Variants in SLC35D4 observed in about 807,000 individuals in gnomAD.
SLC35D4 encodes the protein UDP-N-acetylglucosamine transporter SLC35D4.
At chr18:23,421,457 A>T in the SLC35D4 span, 49 of 1,613,572 alleles carry the variant, frequency 3.0e-5, no homozygotes, top group Admixed American at 8.2e-4. Flanking sequence ...GGAAAGGACA[A>T]GGGGCAATGT....
chr18:23,295,738 G>A, the SLC35D4 span, among the ~76,000 whole-genome samples: 1 of 152,204 alleles, frequency 6.6e-6, no homozygotes, highest in South Asian at 2.1e-4. Flanking sequence ...AACAGCCACC[G>A]ACTGAGTTGA....
At chr18:23,316,649 C>G in the SLC35D4 span, among the ~76,000 whole-genome samples, 1 of 141,420 alleles carries the variant, frequency 7.1e-6, no homozygotes, top group Non-Finnish European at 1.5e-5. Context: ...GGATTGAGAA[C>G]ACAGATGAGG....
At chr18:23,341,108 A>ATC in the SLC35D4 span, among the ~76,000 whole-genome samples, 1 of 152,204 alleles carries the variant, frequency 6.6e-6, no homozygotes, top group Non-Finnish European at 1.5e-5. Flanking sequence ...TTTACATCAT[A>ATC]TGTGAGAGGG....
chr18:23,421,537 A>G, the SLC35D4 span: 1 of 1,065,744 alleles, frequency 9.4e-7, no homozygotes. Context: ...ACACAAAGAG[A>G]CAAGTTCAAC....
the SLC35D4 span, among the ~76,000 whole-genome samples, chr18:23,290,517 C>G: frequency 6.6e-6 from 1 of 152,162 alleles, no homozygotes; most frequent in Non-Finnish European, 1.5e-5. Flanking sequence ...GTGTGTGATT[C>G]TGCATATTTT....
chr18:23,243,468 G>GTTTTTTTTTTTTTTTTT, the SLC35D4 span, among the ~76,000 whole-genome samples: 1 of 101,876 alleles, frequency 9.8e-6, no homozygotes, highest in African/African-American at 3.6e-5. Context: ...TGGGTTTGGT[G>GTTTTTTTTTTTTTTTTT]TTTTTTTTTT....
the SLC35D4 span, among the ~76,000 whole-genome samples, chr18:23,245,821 C>T: frequency 2.6e-5 from 4 of 152,242 alleles, 1 homozygote; most frequent in Admixed American, 1.3e-4. Flanking sequence ...AGTGACCTCT[C>T]GCTCCATGAG....
the SLC35D4 span, among the ~76,000 whole-genome samples, chr18:23,431,059 C>G: frequency 7.2e-6 from 1 of 139,316 alleles, no homozygotes; most frequent in Admixed American, 8.2e-5. Context: ...GAGGCTGAGG[C>G]AGAAGAATCG....
the SLC35D4 span, among the ~76,000 whole-genome samples, chr18:23,405,730 G>T: frequency 6.6e-6 from 1 of 152,158 alleles, no homozygotes; most frequent in Non-Finnish European, 1.5e-5. Flanking sequence ...GAGAAAGCCT[G>T]TTGCAATGGC....
chr18:23,365,679 G>A, the SLC35D4 span: 1,266 of 1,613,268 alleles, frequency 7.8e-4, no homozygotes, highest in Non-Finnish European at 1.0e-3. Context: ...CTGGAAAAGA[G>A]ACAGCAAAGT....
the SLC35D4 span, among the ~76,000 whole-genome samples, chr18:23,396,848 C>T: frequency 6.6e-6 from 1 of 152,030 alleles, no homozygotes; most frequent in East Asian, 1.9e-4. Context: ...ATCGCTTCCT[C>T]CTTCAAAATG....
At chr18:23,308,713 T>C in the SLC35D4 span, among the ~76,000 whole-genome samples, 2 of 152,190 alleles carry the variant, frequency 1.3e-5, no homozygotes, top group Non-Finnish European at 2.9e-5. Flanking sequence ...TTCTGGTCTC[T>C]GCTCAGACAG....
chr18:23,351,194 G>A, the SLC35D4 span, among the ~76,000 whole-genome samples: 1 of 152,102 alleles, frequency 6.6e-6, no homozygotes, highest in African/African-American at 2.4e-5. Flanking sequence ...ATCATTTGAG[G>A]TCAGGAGTTT....
chr18:23,407,222 C>T, the SLC35D4 span, among the ~76,000 whole-genome samples: 17 of 152,080 alleles, frequency 1.1e-4, no homozygotes, highest in African/African-American at 3.4e-4. Context: ...AGAAGGATTC[C>T]GAGAAGATAA....
chr18:23,253,811 G>A, the SLC35D4 span: 2 of 1,614,232 alleles, frequency 1.2e-6, no homozygotes, highest in Non-Finnish European at 1.7e-6. Flanking sequence ...CGTCTACTTT[G>A]AAAAGCTCGC....
At chr18:23,295,142 C>CTTTT in the SLC35D4 span, among the ~76,000 whole-genome samples, 5 of 151,146 alleles carry the variant, frequency 3.3e-5, no homozygotes, top group East Asian at 9.7e-4. Context: ...GAAAGTTTGA[C>CTTTT]ATCCTAGATG....
chr18:23,273,608 CTGAATGAATGAA>C, the SLC35D4 span, among the ~76,000 whole-genome samples: 3 of 151,760 alleles, frequency 2.0e-5, no homozygotes, highest in African/African-American at 4.8e-5. Flanking sequence ...CTGTGACTTC[CTGAATGAATGAA>C]TGAATGAATG....
chr18:23,380,105 C>CA, the SLC35D4 span, among the ~76,000 whole-genome samples: 4 of 150,950 alleles, frequency 2.6e-5, no homozygotes, highest in Non-Finnish European at 5.9e-5. Flanking sequence ...AAAAACAAAA[C>CA]AAAAAAAAGA....
At chr18:23,384,930 G>A in the SLC35D4 span, 1 of 1,518,162 alleles carries the variant, frequency 6.6e-7, no homozygotes, top group Non-Finnish European at 9.1e-7. Flanking sequence ...ATAAAAAGAA[G>A]AGTACTTCTT....
Sources: allele counts gnomAD v4.1 joint callset (sites outside exome capture counted in the v4.1 genomes callset), GRCh38; gene constraint gnomAD v4.1.1; transcripts MANE v1.5; gene names NCBI Gene and HGNC (gene_info 2026-07-23, HGNC 2026-07-21).